Variants in TOGARAM1 observed in about 807,000 individuals in gnomAD.
The protein encoded by TOGARAM1 is TOG array regulator of axonemal microtubules 1, also known as TOG array regulator of axonemal microtubules protein 1.
Under a neutral mutation model 166.6 loss-of-function variants are expected in TOGARAM1, and 100 were observed. The ratio of observed to expected loss-of-function variants is 0.60; its 90% CI spans 0.51 to 0.71. TOGARAM1 has a LOEUF of 0.71. Ranked by LOEUF, TOGARAM1 falls within the 30% of genes least tolerant of loss-of-function variation. TOGARAM1 has a pLI of 0.00. For synonymous variants in TOGARAM1, 758 were observed against 763.8 expected, an observed-to-expected ratio of 0.99 and a Z score of 0.13; for missense variants, 2,029 against 2,102.7, an observed-to-expected ratio of 0.96 and a Z score of 0.69.
chr14:45,012,768 C>T (rs570231641), intron 7 of TOGARAM1, among the ~76,000 whole-genome samples: 15 of 152,116 alleles, frequency 9.9e-5, no homozygotes, highest in African/African-American at 2.9e-4. Flanking sequence ...ATATTATAAT[C>T]ACCTTCCTAA....
chr14:45,014,275 C>G (rs1323104628), intron 7 of TOGARAM1, among the ~76,000 whole-genome samples: 2 of 151,878 alleles, frequency 1.3e-5, no homozygotes, highest in African/African-American at 4.8e-5. Flanking sequence ...ATGATCCACC[C>G]ACCTCGGCCT....
At position 45,028,254 on chromosome 14, in the gene TOGARAM1, A is replaced by G; in HGVS notation, c.3583A>G (p.Lys1195Glu). The G allele has an allele frequency of 1.2e-6, 2 of 1,604,122 alleles. No individual in the cohort carries two copies. Among genetic ancestry groups the G allele is most frequent in the East Asian group, 2.2e-5 (1 of 44,644 alleles). The change falls in exon 10 of 20, where the codon AAA becomes GAA. Residue 1195 changes from lysine (K) to glutamate (E), a missense_variant. By Grantham distance (56) the Lys-to-Glu change is moderately conservative (BLOSUM62 1). Coordinates refer to ENST00000361462, the MANE Select transcript of TOGARAM1 (RefSeq NM_001308120.2). ...RKEEKELFHNKDCEKKEKNSW... is the reference protein window; with the variant it reads ...RKEEKELFHNEDCEKKEKNSW... ...AGAAGAGAAAGAACTGTTTCACAAT[A>G]AAGATTGTGAAAAGAAGGAAAAAAA...
chr14:45,031,400 T>G (rs1881146980), intron 10 of TOGARAM1, among the ~76,000 whole-genome samples: 1 of 152,204 alleles, frequency 6.6e-6, no homozygotes, highest in African/African-American at 2.4e-5. Flanking sequence ...TGGAAAATGC[T>G]TGGTCAATGT....
rs545606382 is a variant in TOGARAM1 at position 45,056,091 on chromosome 14, C to T, written c.4559+1542C>T. Among the ~76,000 whole-genome samples the T allele has an allele frequency of 7.9e-5, 12 of 151,778 alleles. No individual in the cohort carries two copies. The East Asian group carries it at 2.3e-3, about 29-fold the overall frequency. ...TTTTCCTTGTAGAGATCTTTTACCT[C>T]CTTGGTTAAAAATATACTCCTAGGT... On this transcript the variant is annotated intron_variant, in intron 16 of 19. Transcript: ENST00000361462.
intron 16 of TOGARAM1, among the ~76,000 whole-genome samples, chr14:45,057,714 G>C (rs539907612): frequency 1.3e-5 from 2 of 152,060 alleles, no homozygotes; most frequent in African/African-American, 4.8e-5. Context: ...TCGTTCAGGA[G>C]TATGTTGTTT....
chr14:45,072,467 C>T (rs1198299390), intron 19 of TOGARAM1, among the ~76,000 whole-genome samples: 2 of 151,796 alleles, frequency 1.3e-5, no homozygotes, highest in Admixed American at 1.3e-4. Context: ...CGCTCTGTTG[C>T]CTAGGCTGGA....
At chr14:44,984,491 A>T (rs555806553) in intron 1 of TOGARAM1, among the ~76,000 whole-genome samples, 27 of 152,108 alleles carry the variant, frequency 1.8e-4, no homozygotes, top group African/African-American at 5.1e-4. Flanking sequence ...TTATCATCTT[A>T]AAAAAGCTGT....
chr14:44,982,642 A>C (rs1000126358), intron 1 of TOGARAM1, among the ~76,000 whole-genome samples: 1 of 152,184 alleles, frequency 6.6e-6, no homozygotes, highest in Non-Finnish European at 1.5e-5. Context: ...GCGGAGACCA[A>C]ATTTAAAAGT....
At chr14:45,015,661 A>T (rs1245002094) in intron 7 of TOGARAM1, among the ~76,000 whole-genome samples, 1 of 151,020 alleles carries the variant, frequency 6.6e-6, no homozygotes, top group African/African-American at 2.4e-5. Context: ...CTTTATATGC[A>T]TTTTCTTCAT....
chr14:45,033,943 CAGG>C (rs1419310427), intron 11 of TOGARAM1, among the ~76,000 whole-genome samples: 1 of 152,124 alleles, frequency 6.6e-6, no homozygotes, highest in East Asian at 1.9e-4. Context: ...GACTTGAGGT[CAGG>C]AGTTCGAGAC....
chr14:44,999,619 A>G, intron 3 of TOGARAM1, 122 bp downstream of exon 3: 2 of 794,326 alleles, frequency 2.5e-6, no homozygotes, highest in Non-Finnish European at 3.6e-6. Flanking sequence ...GGATTTTGTT[A>G]TATTTTTAAT....
At chr14:44,986,324 C>G (rs920824802) in intron 1 of TOGARAM1, among the ~76,000 whole-genome samples, 1 of 152,164 alleles carries the variant, frequency 6.6e-6, no homozygotes, top group African/African-American at 2.4e-5. Context: ...GAGCCTTGCT[C>G]TGTTGCTCAT....
At chr14:45,001,780 A>G (rs1887699964) in intron 3 of TOGARAM1, among the ~76,000 whole-genome samples, 1 of 152,212 alleles carries the variant, frequency 6.6e-6, no homozygotes, top group Non-Finnish European at 1.5e-5. Flanking sequence ...TTTTAAGACA[A>G]TTTAGAATGT....
intron 1 of TOGARAM1, among the ~76,000 whole-genome samples, chr14:44,968,748 CTTGTG>C (rs1483775784): frequency 6.6e-6 from 1 of 152,142 alleles, no homozygotes; most frequent in Admixed American, 6.5e-5. Flanking sequence ...AAGATTCACT[CTTGTG>C]TTGTACATTC....
chr14:44,993,829 G>A (rs1887269274), intron 1 of TOGARAM1, among the ~76,000 whole-genome samples: 1 of 152,092 alleles, frequency 6.6e-6, no homozygotes, highest in East Asian at 1.9e-4. Context: ...ACCAGTTGTT[G>A]TATGTATCTG....
chr14:44,962,898 C>G lies in TOGARAM1; in HGVS notation c.477C>G (p.Leu159=). The change falls in exon 1 of 20, where the codon CTC becomes CTG. Residue 159 remains leucine (L), a synonymous_variant. Coordinates refer to ENST00000361462, the MANE Select transcript of TOGARAM1 (RefSeq NM_001308120.2). ...SDEKRLCLQL[L]SDVLRGQGEA... is the part of the protein sequence containing the mutation. ...AGAAGCGGCTCTGCTTGCAACTTCT[C>G]TCGGACGTTCTCCGGGGTCAGGGGG... The G allele has an allele frequency of 6.2e-7, 1 of 1,614,076 alleles. No homozygotes were observed. The highest frequency in any genetic ancestry group is 8.5e-7 in the Non-Finnish European group (1 of 1,180,034).
At chr14:45,041,218 A>G (rs78848414) in intron 11 of TOGARAM1, among the ~76,000 whole-genome samples, 6,128 of 151,946 alleles carry the variant, frequency 0.04, 212 homozygotes, top group East Asian at 0.13. Flanking sequence ...CCTGGCCAAC[A>G]TGTGAAACCT....
In TOGARAM1 at chr14:44,967,121, A is replaced by G. The variant is rs73348277; in HGVS notation, c.2046+2654A>G. ...CAAAAGTCTGAGTATAGATTTGCTC[A>G]TTGCTATTTCTTGCCATTGTGGTTT... is the stretch of plus-strand genomic sequence containing the variant. On this transcript the variant is annotated intron_variant, in intron 1 of 19. Transcript: ENST00000361462. Among the ~76,000 whole-genome samples, 801 of 152,192 alleles carry G rather than the reference A, an allele frequency of 5.3e-3. 9 individuals are homozygous for G. The highest frequency in any genetic ancestry group is 0.017 in the African/African-American group (707 of 41,508).
At chr14:44,993,322 A>C (rs1335227765) in intron 1 of TOGARAM1, among the ~76,000 whole-genome samples, 1 of 151,270 alleles carries the variant, frequency 6.6e-6, no homozygotes, top group East Asian at 1.9e-4. Flanking sequence ...AAAACAAAAA[A>C]AGATTGAAAC....
Sources: gnomAD v4.1 joint callset for allele counts (sites outside exome capture counted in the v4.1 genomes callset) on GRCh38, gnomAD v4.1.1 for gene constraint, MANE v1.5 for transcripts, NCBI Gene and HGNC (gene_info 2026-07-23, HGNC 2026-07-21) for gene names.